Variants in CSMD1 observed in about 807,000 individuals in gnomAD.
The protein encoded by CSMD1 is CUB and Sushi multiple domains 1.
In CSMD1, 213 loss-of-function variants were observed where a neutral mutation model predicts 417.5. The observed-to-expected ratio is 0.51, with a 90% CI of 0.46 to 0.57. CSMD1 has a LOEUF of 0.57. Among genes scored for constraint, CSMD1 ranks in the 20% least tolerant of loss-of-function variants. The pLI, the probability that CSMD1 is intolerant of heterozygous loss-of-function variation, is 0.00. For synonymous variants in CSMD1, 2,862 were observed against 1,736.8 expected (o/e 1.65, Z -16.11); for missense variants, 6,923 against 4,529.7 (o/e 1.53, Z -15.17).
chr8:3,394,794 T>C (rs1283952327), intron 17 of CSMD1, among the ~76,000 whole-genome samples: 3 of 152,184 alleles, frequency 2.0e-5, no homozygotes, highest in African/African-American at 7.2e-5. Context: ...TTCTTAAATT[T>C]TACTTTAAGT....
intron 18 of CSMD1, among the ~76,000 whole-genome samples, chr8:3,372,255 G>A (rs566383688): frequency 6.6e-5 from 10 of 152,134 alleles, no homozygotes; most frequent in Admixed American, 4.6e-4. Flanking sequence ...AAAGTGGTTA[G>A]GACCAGGGCT....
chr8:3,747,418 T>TC (rs1770924270), intron 6 of CSMD1, among the ~76,000 whole-genome samples: 2 of 151,462 alleles, frequency 1.3e-5, no homozygotes, highest in South Asian at 4.2e-4. Flanking sequence ...GACACAGTAT[T>TC]TTTTTTTTAC....
intron 7 of CSMD1, among the ~76,000 whole-genome samples, chr8:3,672,049 C>G (rs1273147800): frequency 6.6e-6 from 1 of 152,108 alleles, no homozygotes; most frequent in Non-Finnish European, 1.5e-5. Flanking sequence ...AGCAAATTAA[C>G]AAAGTCAACA....
chr8:3,391,204 A>G (rs1326364800), intron 17 of CSMD1, among the ~76,000 whole-genome samples: 2 of 152,176 alleles, frequency 1.3e-5, no homozygotes, highest in Non-Finnish European at 2.9e-5. Context: ...ACGCACATAT[A>G]AACCACTAAA....
At chr8:4,079,232 A>T (rs1799996605) in intron 3 of CSMD1, among the ~76,000 whole-genome samples, 2 of 152,174 alleles carry the variant, frequency 1.3e-5, no homozygotes, top group Admixed American at 6.5e-5. Context: ...GAAACAACTG[A>T]ATGAGTAGAT....
intron 3 of CSMD1, among the ~76,000 whole-genome samples, chr8:4,086,542 C>T (rs970631111): frequency 6.6e-6 from 1 of 152,174 alleles, no homozygotes. Flanking sequence ...TTGTCAAGCT[C>T]TTAAAATAGG....
rs76261333 is a variant in CSMD1, at chr8:3,027,732, G to A, written c.7855+1587C>T. Among the ~76,000 whole-genome samples the A allele has an allele frequency of 5.0e-3, 754 of 152,278 alleles. 6 individuals carry two copies. Among genetic ancestry groups the A allele is most frequent in the African/African-American group, 0.017 (723 of 41,566 alleles). On this transcript the variant is annotated intron_variant, in intron 51 of 69. Coordinates refer to ENST00000635120, the MANE Select transcript of CSMD1 (RefSeq NM_033225.6). ...GGGTTGTGACTGGACCCCGCTCCGT[G>A]TCAGAAACACCAGAATACAGTTGAT...
intron 5 of CSMD1, among the ~76,000 whole-genome samples, chr8:3,859,472 G>A (rs181463693): frequency 2.8e-4 from 43 of 152,254 alleles, no homozygotes; most frequent in Non-Finnish European, 4.6e-4. Context: ...TTGGTTTCTG[G>A]GAGGAGAATC....
intron 6 of CSMD1, among the ~76,000 whole-genome samples, chr8:3,741,158 G>A (rs1412677174): frequency 7.0e-6 from 1 of 143,694 alleles, no homozygotes; most frequent in African/African-American, 2.6e-5. Flanking sequence ...AGGTTGCAGT[G>A]AGCTGAGATC....
chr8:4,176,816 A>G (rs1327500304), intron 3 of CSMD1, among the ~76,000 whole-genome samples: 1 of 147,824 alleles, frequency 6.8e-6, no homozygotes, highest in Non-Finnish European at 1.5e-5. Flanking sequence ...ACCAACAACG[A>G]TCAAAAGAGA....
chr8:4,425,617 A>T (rs1797504481), intron 2 of CSMD1, among the ~76,000 whole-genome samples: 2 of 152,226 alleles, frequency 1.3e-5, no homozygotes, highest in East Asian at 1.9e-4. Flanking sequence ...TATCCTTTCC[A>T]TGAGGGCCCT....
intron 2 of CSMD1, among the ~76,000 whole-genome samples, chr8:4,507,921 T>C (rs1802611993): frequency 6.6e-6 from 1 of 152,094 alleles, no homozygotes; most frequent in African/African-American, 2.4e-5. Context: ...ATTATGTGAA[T>C]AGGCAGTGAA....
At chr8:4,423,025 C>T (rs887156602) in intron 2 of CSMD1, among the ~76,000 whole-genome samples, 16 of 152,086 alleles carry the variant, frequency 1.1e-4, no homozygotes, top group Admixed American at 2.6e-4. Flanking sequence ...AAGGAATCTT[C>T]TCCAACTTGA....
At chr8:4,143,437 C>A (rs540312621) in intron 3 of CSMD1, among the ~76,000 whole-genome samples, 1 of 148,818 alleles carries the variant, frequency 6.7e-6, no homozygotes, top group Non-Finnish European at 1.5e-5. Flanking sequence ...GTTCGGATAC[C>A]TTTGGTAAAT....
At chr8:4,558,231 G>C (rs941338878) in intron 2 of CSMD1, among the ~76,000 whole-genome samples, 4 of 152,108 alleles carry the variant, frequency 2.6e-5, no homozygotes, top group African/African-American at 4.8e-5. Flanking sequence ...ACTTTAGTCA[G>C]TAAAGATAAG....
chr8:4,831,614 T>A (rs1426553087), intron 1 of CSMD1, among the ~76,000 whole-genome samples: 1 of 152,150 alleles, frequency 6.6e-6, no homozygotes, highest in Non-Finnish European at 1.5e-5. Context: ...AGCCACCTGG[T>A]GACACTCTTT....
chr8:4,178,955 A>T (rs913686234), intron 3 of CSMD1, among the ~76,000 whole-genome samples: 2 of 152,168 alleles, frequency 1.3e-5, no homozygotes, highest in African/African-American at 4.8e-5. Context: ...AGAACATTCC[A>T]TGCTCATGGG....
chr8:4,265,908 T>C (rs1804201512), intron 3 of CSMD1, among the ~76,000 whole-genome samples: 2 of 104,144 alleles, frequency 1.9e-5, no homozygotes, highest in African/African-American at 5.2e-5. Flanking sequence ...CAAAATAAAA[T>C]GTGAAGAAAT....
chr8:4,547,721 T>C (rs960143213), intron 2 of CSMD1, among the ~76,000 whole-genome samples: 1 of 152,238 alleles, frequency 6.6e-6, no homozygotes, highest in Non-Finnish European at 1.5e-5. Context: ...GAGTAGAAGC[T>C]ATAAGCAGAT....
Sources: gnomAD v4.1 joint callset for allele counts (sites outside exome capture counted in the v4.1 genomes callset) on GRCh38, gnomAD v4.1.1 for gene constraint, MANE v1.5 for transcripts, NCBI Gene and HGNC (gene_info 2026-07-23, HGNC 2026-07-21) for gene names.